GLIS3: variants seen among roughly 807,000 people sequenced by gnomAD.
GLIS3 encodes the protein GLIS family zinc finger 3.
GLIS3 carries 53 observed loss-of-function variants against 78.6 expected under a neutral mutation model. The observed-to-expected ratio is 0.67, with a 90% CI of 0.54 to 0.85. The LOEUF (loss-of-function observed/expected upper bound fraction) is 0.85, where lower values mean the gene tolerates loss of function less well. Ranked by LOEUF, GLIS3 falls within the 40% of genes least tolerant of loss-of-function variation. GLIS3 has a pLI of 0.00. For synonymous variants in GLIS3, 684 were observed against 509.9 expected, an observed-to-expected ratio of 1.34 and a Z score of -4.60; for missense variants, 1,703 against 1,231.1, an observed-to-expected ratio of 1.38 and a Z score of -5.74.
At chr9:4,099,145 G>A (rs1248842211) in intron 4 of GLIS3, among the ~76,000 whole-genome samples, 1 of 152,208 alleles carries the variant, frequency 6.6e-6, no homozygotes, top group Non-Finnish European at 1.5e-5. Context: ...AGCACATAGG[G>A]CTGTCTGAAT....
intron 4 of GLIS3, among the ~76,000 whole-genome samples, chr9:3,951,822 A>C (rs1190954728): frequency 6.7e-6 from 1 of 150,110 alleles, no homozygotes; most frequent in East Asian, 2.0e-4. Context: ...GAGGAGAGAG[A>C]AAGAGAGGAA....
chr9:4,257,643 G>C (rs10974414), intron 2 of GLIS3, among the ~76,000 whole-genome samples: 1 of 151,670 alleles, frequency 6.6e-6, no homozygotes, highest in Non-Finnish European at 1.5e-5. Context: ...GCACAATCTC[G>C]GCTCACTGCA....
At chr9:4,165,631 G>C (rs1404948553) in intron 2 of GLIS3, among the ~76,000 whole-genome samples, 1 of 152,200 alleles carries the variant, frequency 6.6e-6, no homozygotes, top group African/African-American at 2.4e-5. Flanking sequence ...TCCTGCTCCG[G>C]GCTGATGCCT....
intron 5 of GLIS3, 150 bp from the exon 6 acceptor site, chr9:3,932,620 A>G (rs904778497): frequency 6.0e-6 from 4 of 668,668 alleles, no homozygotes; most frequent in African/African-American, 5.4e-5. Flanking sequence ...TTTTAATTAC[A>G]AAGTCTAGTA....
chr9:4,071,664 C>G (rs1478332206), intron 4 of GLIS3: 3 of 152,140 alleles, frequency 2.0e-5, no homozygotes, highest in Admixed American at 6.6e-5. Context: ...TTTAGGAGCT[C>G]TTACTATTAC....
At chr9:4,235,480 T>C (rs1395593346) in intron 2 of GLIS3, among the ~76,000 whole-genome samples, 1 of 152,144 alleles carries the variant, frequency 6.6e-6, no homozygotes, top group Non-Finnish European at 1.5e-5. Context: ...CATGCTGGAA[T>C]TATGTTCAGA....
intron 2 of GLIS3, among the ~76,000 whole-genome samples, chr9:4,198,610 G>C (rs944754335): frequency 4.6e-5 from 7 of 152,110 alleles, no homozygotes; most frequent in African/African-American, 1.7e-4. Context: ...GAGAAGTGGA[G>C]AAAAAGAAAA....
chr9:4,430,301 T>C, the GLIS3 span, among the ~76,000 whole-genome samples: 2 of 152,214 alleles, frequency 1.3e-5, no homozygotes, highest in Non-Finnish European at 2.9e-5. Context: ...TTTAGAGAAG[T>C]TCAAAGCTGC....
At chr9:4,192,740 G>A (rs1818436691) in intron 2 of GLIS3, among the ~76,000 whole-genome samples, 1 of 151,798 alleles carries the variant, frequency 6.6e-6, no homozygotes. Flanking sequence ...ACGAGACATG[G>A]TTGTTCCGTG....
chr9:4,474,559 G>C, the GLIS3 span, among the ~76,000 whole-genome samples: 6 of 152,172 alleles, frequency 3.9e-5, no homozygotes, highest in Non-Finnish European at 8.8e-5. Flanking sequence ...ATCCCAGATA[G>C]ATTTTAGATT....
chr9:4,239,313 T>C (rs1823073958), intron 2 of GLIS3, among the ~76,000 whole-genome samples: 1 of 148,926 alleles, frequency 6.7e-6, no homozygotes, highest in Non-Finnish European at 1.5e-5. Context: ...AACTTAAAAG[T>C]ATAATTAAAA....
intron 2 of GLIS3, among the ~76,000 whole-genome samples, chr9:4,233,757 G>A (rs1422900403): frequency 1.3e-5 from 2 of 152,196 alleles, no homozygotes; most frequent in Non-Finnish European, 1.5e-5. Flanking sequence ...CTTCTCCTCT[G>A]TAGCTATGAA....
intron 4 of GLIS3, among the ~76,000 whole-genome samples, chr9:4,104,862 C>A (rs928186638): frequency 6.6e-6 from 1 of 152,204 alleles, no homozygotes; most frequent in East Asian, 1.9e-4. Flanking sequence ...CTGTTCCCTG[C>A]TGGATCCCCA....
chr9:4,279,405 G>T (rs868174814), intron 2 of GLIS3, among the ~76,000 whole-genome samples: 15 of 136,274 alleles, frequency 1.1e-4, no homozygotes, highest in Admixed American at 9.1e-4. Context: ...ATATATCAGC[G>T]TTTTTTTTAA....
intron 4 of GLIS3, among the ~76,000 whole-genome samples, chr9:4,007,691 T>C (rs542100978): frequency 5.7e-4 from 86 of 152,206 alleles, no homozygotes; most frequent in African/African-American, 2.0e-3. Flanking sequence ...TGGGCACACA[T>C]ACACACATAA....
intron 2 of GLIS3, among the ~76,000 whole-genome samples, chr9:4,337,270 A>T (rs1411383007): frequency 1.3e-5 from 2 of 152,240 alleles, no homozygotes; most frequent in East Asian, 3.8e-4. Context: ...AAAGACCTTC[A>T]CCAAAGTGTT....
chr9:4,295,080 T>C (rs1223801923), intron 1 of GLIS3, among the ~76,000 whole-genome samples: 1 of 152,218 alleles, frequency 6.6e-6, no homozygotes, highest in Non-Finnish European at 1.5e-5. Flanking sequence ...TTCTTCTGGG[T>C]AGGCATGTTA....
the GLIS3 span, among the ~76,000 whole-genome samples, chr9:4,391,637 G>A: frequency 5.3e-5 from 8 of 152,022 alleles, no homozygotes; most frequent in South Asian, 2.1e-4. Flanking sequence ...ATATTTAACC[G>A]AAATTTGGGG....
intron 2 of GLIS3, among the ~76,000 whole-genome samples, chr9:4,143,770 G>C (rs1235549592): frequency 6.6e-6 from 1 of 152,098 alleles, no homozygotes; most frequent in Non-Finnish European, 1.5e-5. Flanking sequence ...TCTACCCTCT[G>C]CTGCTATGAG....
Sources: gnomAD v4.1 joint callset for allele counts (sites outside exome capture counted in the v4.1 genomes callset) on GRCh38, gnomAD v4.1.1 for gene constraint, MANE v1.5 for transcripts, NCBI Gene and HGNC (gene_info 2026-07-23, HGNC 2026-07-21) for gene names.